The following P3H1 variants were observed in gnomAD, a reference collection of about 807,000 sequenced individuals.
P3H1 encodes the protein prolyl 3-hydroxylase 1, also known as growth suppressor 1.
P3H1 carries 69 observed loss-of-function variants against 84.0 expected under a neutral mutation model. That is an observed-to-expected ratio of 0.82 (90% CI 0.68 to 1.00). The LOEUF (loss-of-function observed/expected upper bound fraction) is 1.00, where lower values mean the gene tolerates loss of function less well. P3H1 is among the 50% of genes least tolerant of loss of function. P3H1 has a pLI of 0.00. For synonymous variants in P3H1, 366 were observed against 388.8 expected (o/e 0.94, Z 0.69); for missense variants, 878 against 962.8 (o/e 0.91, Z 1.17).
At chr1:42,758,752 G>T in intron 4 of P3H1, 100 bp downstream of exon 4, 1 of 1,411,458 alleles carries the variant, frequency 7.1e-7, no homozygotes, top group Non-Finnish European at 1.0e-6. Flanking sequence ...ACTGAAATAA[G>T]CCAAACACCT....
intron 11 of P3H1, chr1:42,748,690 G>A (rs1186951971): frequency 3.0e-6 from 1 of 335,398 alleles, no homozygotes; most frequent in Non-Finnish European, 5.9e-6. Context: ...TCCTCCATCA[G>A]GACTGCAGGA....
chr1:42,755,264 T>A, intron 6 of P3H1, 47 bp from the exon 7 acceptor site: 1 of 1,565,296 alleles, frequency 6.4e-7, no homozygotes, highest in Non-Finnish European at 8.8e-7. Context: ...ATCTACTTAA[T>A]CTTCCAGGTG....
chr1:42,755,698 G>T, intron 5 of P3H1, 61 bp from the exon 6 acceptor site: 1 of 1,338,778 alleles, frequency 7.5e-7, no homozygotes, highest in Non-Finnish European at 1.1e-6. Flanking sequence ...ACCTCTGGGA[G>T]TTCCCCTCCC....
intron 10 of P3H1, among the ~76,000 whole-genome samples, chr1:42,751,429 TGCGGAAG>T (rs2124102933): frequency 8.0e-6 from 1 of 125,506 alleles, no homozygotes; most frequent in South Asian, 2.9e-4. Context: ...ACACAAACAC[TGCGGAAG>T]GCCGCAGGGT....
intron 1 of P3H1, among the ~76,000 whole-genome samples, chr1:42,763,709 A>T (rs1236208717): frequency 4.8e-5 from 7 of 145,910 alleles, no homozygotes; most frequent in Non-Finnish European, 9.1e-5. Context: ...AAGAAATCCA[A>T]GGGGGGAGAA....
intron 14 of P3H1, 107 bp downstream of exon 14, chr1:42,747,165 C>G: frequency 6.2e-7 from 1 of 1,614,204 alleles, no homozygotes; most frequent in South Asian, 1.1e-5. Flanking sequence ...CCTTTCGTGT[C>G]TCAGCCACTG....
chr1:42,747,120 A>G (rs750942666), intron 14 of P3H1, 152 bp downstream of exon 14: 1 of 1,614,124 alleles, frequency 6.2e-7, no homozygotes, highest in Admixed American at 1.7e-5. Flanking sequence ...ATGTGACCAT[A>G]ATGACAGGGC....
intron 1 of P3H1, among the ~76,000 whole-genome samples, chr1:42,763,170 G>C (rs952933089): frequency 1.3e-5 from 2 of 151,994 alleles, no homozygotes; most frequent in Admixed American, 1.3e-4. Context: ...GGATTTAGGG[G>C]TAGAGAAAAA....
In P3H1 at chr1:42,746,756, G is replaced by T. The variant is rs533729683; in HGVS notation, c.2152C>A (p.Pro718Thr). 2 of 1,555,520 alleles carry T rather than the reference G, an allele frequency of 1.3e-6. No individual in the cohort carries two copies. Among genetic ancestry groups the T allele is most frequent in the South Asian group, 2.4e-5 (2 of 84,542 alleles). ...GAGAGAGACTCTTGTGCAGGTTCGG[G>T]GGGGCCCTGCTGGGCATCCAGGGGC... ...EQPLDAQQGP[P>T]EPAQESLSGS... The change falls in exon 15 of 15, where the codon CCC (proline) becomes ACC (threonine). Residue 718 changes from proline (P) to threonine (T), a missense_variant. Physicochemically the swap from Pro to Thr is conservative, Grantham distance 38 (BLOSUM62 -1). Coordinates refer to ENST00000296388, the MANE Select transcript of P3H1 (RefSeq NM_022356.4).
At chr1:42,758,031 G>A in intron 4 of P3H1, 109 bp from the exon 5 acceptor site, 1 of 1,022,894 alleles carries the variant, frequency 9.8e-7, no homozygotes, top group East Asian at 2.4e-5. Flanking sequence ...TTGAGGCAAT[G>A]GCAGCATGAC....
intron 1 of P3H1, among the ~76,000 whole-genome samples, chr1:42,765,134 T>C (rs947873018): frequency 1.8e-4 from 28 of 152,228 alleles, no homozygotes; most frequent in Admixed American, 1.6e-3. Flanking sequence ...CTCACTGACT[T>C]TTCTAGCCGC....
At chr1:42,766,172 C>A (rs990316765) in intron 1 of P3H1, among the ~76,000 whole-genome samples, 1 of 152,212 alleles carries the variant, frequency 6.6e-6, no homozygotes, top group African/African-American at 2.4e-5. Context: ...GCTTCTCACT[C>A]GGACACTTAC....
intron 13 of P3H1, 62 bp downstream of exon 13, chr1:42,747,661 G>A: frequency 3.2e-6 from 5 of 1,574,554 alleles, no homozygotes; most frequent in Non-Finnish European, 3.5e-6. Flanking sequence ...TGCACTTTGG[G>A]AACATCAGCT....
chr1:42,748,342 G>T, intron 11 of P3H1, 25 bp from the exon 12 acceptor site: 1 of 1,545,398 alleles, frequency 6.5e-7, no homozygotes, highest in Non-Finnish European at 8.9e-7. Context: ...ACACATGTTA[G>T]CAAGGGAGCA....
At chr1:42,759,833 C>T (rs943785239) in intron 2 of P3H1, among the ~76,000 whole-genome samples, 1 of 152,076 alleles carries the variant, frequency 6.6e-6, no homozygotes, top group Non-Finnish European at 1.5e-5. Flanking sequence ...CCTCCCAACT[C>T]GGCCTCCTAA....
intron 4 of P3H1, 108 bp from the exon 5 acceptor site, chr1:42,758,030 T>C: frequency 9.7e-7 from 1 of 1,031,058 alleles, no homozygotes. Flanking sequence ...CTTGAGGCAA[T>C]GGCAGCATGA....
Position 42,762,340 on chromosome 1 carries a change from C to G in P3H1, c.601G>C (p.Glu201Gln). The G allele has an allele frequency of 1.2e-6, 2 of 1,614,046 alleles. No homozygotes were observed. Among genetic ancestry groups the G allele is most frequent in the African/African-American group, 2.7e-5 (2 of 74,994 alleles). Residue 201 changes from glutamate to glutamine, a missense_variant, in exon 2 of 15, where the codon GAG becomes CAG. By Grantham distance (29) the Glu-to-Gln change is conservative. Coordinates refer to ENST00000296388, the MANE Select transcript of P3H1 (RefSeq NM_022356.4). ...GVKEADFKDL[E>Q]TQPHMQEFRL... is the part of the protein sequence containing the mutation. ...TTTTTCACCATATGGGGTTGAGTCT[C>G]AAGATCCTTGAAGTCGGCCTCCTTC...
Position 42,755,657 on chromosome 1 carries a change from C to A in P3H1, c.1081-20G>T. On this transcript the variant is annotated intron_variant, in intron 5 of 14. Coordinates refer to ENST00000296388, the MANE Select transcript of P3H1 (RefSeq NM_022356.4). ...GGCACTCTGAGGGTAAAAAAGCAAA[C>A]AAATCCCCCAGAACTCAGCCCTGTC... is the stretch of plus-strand genomic sequence containing the variant. 1 of 1,591,260 alleles carries A rather than the reference C, an allele frequency of 6.3e-7. No homozygotes were observed. The highest frequency in any genetic ancestry group is 8.6e-7 in the Non-Finnish European group (1 of 1,159,396).
chr1:42,753,432 T>C (rs112177716), intron 8 of P3H1, among the ~76,000 whole-genome samples: 9 of 152,302 alleles, frequency 5.9e-5, no homozygotes, highest in African/African-American at 2.2e-4. Context: ...ATACTAATAC[T>C]AGAGACTCAG....
Sources: gnomAD v4.1 joint callset for allele counts (sites outside exome capture counted in the v4.1 genomes callset) on GRCh38, gnomAD v4.1.1 for gene constraint, MANE v1.5 for transcripts, NCBI Gene and HGNC (gene_info 2026-07-23, HGNC 2026-07-21) for gene names.